Variants in PALLD observed in about 807,000 individuals in gnomAD.
PALLD encodes palladin, cytoskeletal associated protein.
A neutral mutation model predicts 123.5 loss-of-function variants in PALLD; 61 were observed. The ratio of observed to expected loss-of-function variants is 0.49; its 90% CI spans 0.40 to 0.61. The LOEUF is 0.61. PALLD is among the 20% of genes least tolerant of loss of function. The pLI is 0.00. For synonymous variants in PALLD, 465 were observed against 496.4 expected, an observed-to-expected ratio of 0.94 and a Z score of 0.84; for missense variants, 1,273 against 1,377.0, an observed-to-expected ratio of 0.92 and a Z score of 1.20.
At chr4:168,715,273 T>G (rs778990837) in intron 10 of PALLD, among the ~76,000 whole-genome samples, 3 of 152,122 alleles carry the variant, frequency 2.0e-5, no homozygotes, top group Non-Finnish European at 2.9e-5. Context: ...ACACTCTCCC[T>G]CAAGTGTAAG....
At chr4:168,798,722 T>G (rs988651502) in intron 10 of PALLD, among the ~76,000 whole-genome samples, 37 of 152,228 alleles carry the variant, frequency 2.4e-4, no homozygotes, top group African/African-American at 8.2e-4. Flanking sequence ...AAACATTAAG[T>G]ATCTGCTGAA....
intron 2 of PALLD, among the ~76,000 whole-genome samples, chr4:168,529,914 A>G (rs1264391274): frequency 6.6e-6 from 1 of 152,122 alleles, no homozygotes; most frequent in Non-Finnish European, 1.5e-5. Context: ...TTTTAATGAA[A>G]CCCAGCCCCC....
intron 2 of PALLD, among the ~76,000 whole-genome samples, chr4:168,566,644 A>T (rs1768420223): frequency 6.6e-6 from 1 of 152,128 alleles, no homozygotes; most frequent in Admixed American, 6.6e-5. Flanking sequence ...TCTTGAGTCC[A>T]TGAAGAGTCC....
chr4:168,723,167 G>A (rs1267563214), intron 10 of PALLD, among the ~76,000 whole-genome samples: 1 of 152,178 alleles, frequency 6.6e-6, no homozygotes, highest in East Asian at 1.9e-4. Context: ...AACATGGATG[G>A]TGGCCAACAG....
intron 10 of PALLD, among the ~76,000 whole-genome samples, chr4:168,766,347 AAAT>A (rs1184247012): frequency 2.0e-5 from 3 of 152,210 alleles, no homozygotes; most frequent in African/African-American, 7.2e-5. Flanking sequence ...TTCACTTAAA[AAAT>A]AATAAGTTCC....
intron 9 of PALLD, among the ~76,000 whole-genome samples, chr4:168,710,964 G>A (rs1391309219): frequency 6.7e-6 from 1 of 149,260 alleles, no homozygotes; most frequent in Non-Finnish European, 1.5e-5. Flanking sequence ...GAGCTCTGCT[G>A]GGCTGTGTGG....
At chr4:168,639,697 C>T (rs191296955) in intron 2 of PALLD, among the ~76,000 whole-genome samples, 120 of 151,344 alleles carry the variant, frequency 7.9e-4, no homozygotes, top group African/African-American at 2.8e-3. Flanking sequence ...GCACCCACTA[C>T]CACGCCCAGC....
At chr4:168,803,892 C>T (rs1349789017) in intron 10 of PALLD, among the ~76,000 whole-genome samples, 1 of 152,156 alleles carries the variant, frequency 6.6e-6, no homozygotes, top group Non-Finnish European at 1.5e-5. Context: ...AATTTACACC[C>T]TGTGCTGGAC....
At chr4:168,505,293 G>A (rs1761895668) in intron 1 of PALLD, among the ~76,000 whole-genome samples, 1 of 152,188 alleles carries the variant, frequency 6.6e-6, no homozygotes, top group South Asian at 2.1e-4. Context: ...ACTGGATCCT[G>A]TCAGATGGCG....
chr4:168,613,673 C>T (rs1773946528), intron 2 of PALLD, among the ~76,000 whole-genome samples: 1 of 152,200 alleles, frequency 6.6e-6, no homozygotes, highest in African/African-American at 2.4e-5. Flanking sequence ...CAGGACTACA[C>T]ATTTAGATAT....
chr4:168,707,348 G>T (rs1013988658), intron 8 of PALLD, among the ~76,000 whole-genome samples: 1 of 152,224 alleles, frequency 6.6e-6, no homozygotes, highest in African/African-American at 2.4e-5. Flanking sequence ...TGTGGTCTGT[G>T]CCAGGCTAGG....
At chr4:168,754,708 C>T (rs1001377014) in intron 10 of PALLD, among the ~76,000 whole-genome samples, 1 of 152,034 alleles carries the variant, frequency 6.6e-6, no homozygotes, top group Non-Finnish European at 1.5e-5. Flanking sequence ...CTGTGTTTGG[C>T]TCCAAGTCCT....
rs572450168 is a variant in PALLD, at chr4:168,551,368, G to T, written c.908+38956G>T. The stretch of plus-strand genomic sequence containing the variant: ...ACTTGCTTAAGAACTGGCAATGACA[G>T]TTTATCAGGATTTTATACATAAGGA... On this transcript the variant is annotated intron_variant, in intron 2 of 21. Coordinates refer to ENST00000505667, the MANE Select transcript of PALLD (RefSeq NM_001166108.2). Among the ~76,000 whole-genome samples, 39 of 152,280 alleles carry T rather than the reference G, an allele frequency of 2.6e-4. 1 individual carries two copies. In the South Asian group the frequency reaches 6.2e-3, roughly 24 times the overall value.
chr4:168,831,959 C>G (rs900230950), intron 10 of PALLD: 5 of 974,240 alleles, frequency 5.1e-6, no homozygotes, highest in Non-Finnish European at 6.1e-6. Flanking sequence ...CGTCCCAGAG[C>G]TGCGAGCCAC....
At chr4:168,704,228 T>C (rs981728884) in intron 8 of PALLD, among the ~76,000 whole-genome samples, 2 of 151,826 alleles carry the variant, frequency 1.3e-5, no homozygotes, top group Non-Finnish European at 2.9e-5. Context: ...ATACAAAAAT[T>C]AATTCAAGAT....
At chr4:168,680,756 A>G (rs1580931259) in intron 3 of PALLD, among the ~76,000 whole-genome samples, 2 of 152,332 alleles carry the variant, frequency 1.3e-5, no homozygotes, top group Admixed American at 1.3e-4. Context: ...TTGACATGAA[A>G]TATGTAAACA....
intron 10 of PALLD, among the ~76,000 whole-genome samples, chr4:168,807,614 G>A (rs1344668167): frequency 6.6e-6 from 1 of 151,710 alleles, no homozygotes; most frequent in Non-Finnish European, 1.5e-5. Context: ...TCTCCATGTT[G>A]GTCAGGCTGG....
intron 10 of PALLD, among the ~76,000 whole-genome samples, chr4:168,860,000 C>T (rs945371449): frequency 1.3e-5 from 2 of 152,124 alleles, no homozygotes; most frequent in East Asian, 1.9e-4. Context: ...ACTTACAACA[C>T]GTCTCAATTC....
At chr4:168,523,515 T>C (rs1014442468) in intron 2 of PALLD, among the ~76,000 whole-genome samples, 50 of 152,288 alleles carry the variant, frequency 3.3e-4, no homozygotes, top group African/African-American at 1.2e-3. Flanking sequence ...TTTGAACCAC[T>C]ACAAAGACCA....
Sources: gnomAD v4.1 joint callset for allele counts (sites outside exome capture counted in the v4.1 genomes callset) on GRCh38, gnomAD v4.1.1 for gene constraint, MANE v1.5 for transcripts, NCBI Gene and HGNC (gene_info 2026-07-23, HGNC 2026-07-21) for gene names.